Variants in RANBP2 observed in about 807,000 individuals in gnomAD.
RANBP2 encodes RAN binding protein 2.
Under a neutral mutation model 303.6 loss-of-function variants are expected in RANBP2, and 57 were observed. That is an observed-to-expected ratio of 0.19 (90% CI 0.15 to 0.23). The LOEUF (loss-of-function observed/expected upper bound fraction) is 0.23, where lower values mean the gene tolerates loss of function less well. Ranked by LOEUF, RANBP2 falls within the 10% of genes least tolerant of loss-of-function variation. The probability of loss-of-function intolerance (pLI) is 1.00; values close to 1 mark genes in which losing one functional copy is unlikely to be tolerated. For synonymous variants in RANBP2, 1,167 were observed against 1,301.5 expected (o/e 0.90, Z 2.23); for missense variants, 3,138 against 3,780.8 (o/e 0.83, Z 4.46).
the RANBP2 span, among the ~76,000 whole-genome samples, chr2:109,229,235 T>A: frequency 9.9e-5 from 15 of 152,226 alleles, no homozygotes; most frequent in Middle Eastern, 3.2e-3. Flanking sequence ...TTCCCCCTTT[T>A]TAGTACACTT....
chr2:109,267,236 C>T, the RANBP2 span, among the ~76,000 whole-genome samples: 1 of 152,066 alleles, frequency 6.6e-6, no homozygotes, highest in Non-Finnish European at 1.5e-5. Context: ...ATAGGAAGTG[C>T]ATGTAAAGGC....
the RANBP2 span, among the ~76,000 whole-genome samples, chr2:109,493,660 T>C: frequency 6.7e-6 from 1 of 149,854 alleles, no homozygotes; most frequent in Non-Finnish European, 1.5e-5. Flanking sequence ...TACACACACA[T>C]ATTATACAAA....
At chr2:108,958,474 A>G in the RANBP2 span, among the ~76,000 whole-genome samples, 19 of 152,298 alleles carry the variant, frequency 1.2e-4, no homozygotes, top group African/African-American at 4.1e-4. Flanking sequence ...GAGCTGAGGC[A>G]GAAGGCTCAC....
At chr2:109,099,220 A>T in the RANBP2 span, among the ~76,000 whole-genome samples, 1 of 152,212 alleles carries the variant, frequency 6.6e-6, no homozygotes, top group Non-Finnish European at 1.5e-5. Flanking sequence ...CATACATCCC[A>T]TGTTCACTTT....
intron 23 of RANBP2, among the ~76,000 whole-genome samples, chr2:108,774,258 C>G (rs1249455958): frequency 1.3e-5 from 2 of 152,128 alleles, no homozygotes; most frequent in Non-Finnish European, 2.9e-5. Context: ...TTATATTTAT[C>G]AGGATACTAG....
chr2:109,197,301 G>A, the RANBP2 span, among the ~76,000 whole-genome samples: 2 of 152,190 alleles, frequency 1.3e-5, no homozygotes, highest in Non-Finnish European at 2.9e-5. Flanking sequence ...CTCATTCTGG[G>A]AGGGCTGCTG....
At chr2:108,836,403 A>G in the RANBP2 span, among the ~76,000 whole-genome samples, 1 of 152,322 alleles carries the variant, frequency 6.6e-6, no homozygotes, top group South Asian at 2.1e-4. Context: ...TTATCCATTC[A>G]TTGATAGATA....
chr2:109,088,955 C>G, the RANBP2 span, among the ~76,000 whole-genome samples: 1 of 152,160 alleles, frequency 6.6e-6, no homozygotes, highest in African/African-American at 2.4e-5. Context: ...GAAAAGCGAT[C>G]GCTGAATTGA....
the RANBP2 span, among the ~76,000 whole-genome samples, chr2:109,301,863 T>C: frequency 6.6e-6 from 1 of 152,180 alleles, no homozygotes; most frequent in Non-Finnish European, 1.5e-5. Context: ...TTTGGACAAA[T>C]GGAGAGAAGT....
At chr2:108,896,412 G>A in the RANBP2 span, 2 of 156,746 alleles carry the variant, frequency 1.3e-5, no homozygotes, top group Admixed American at 6.1e-5. Context: ...CCAGTAGGGA[G>A]TCATCTCCCG....
the RANBP2 span, among the ~76,000 whole-genome samples, chr2:109,045,862 C>A: frequency 6.6e-6 from 1 of 152,126 alleles, no homozygotes; most frequent in Non-Finnish European, 1.5e-5. Flanking sequence ...TGTGCTGTAT[C>A]CGTCTCCAGT....
chr2:109,498,652 A>T, the RANBP2 span, among the ~76,000 whole-genome samples: 7 of 152,088 alleles, frequency 4.6e-5, no homozygotes, highest in South Asian at 4.1e-4. Context: ...CATTCCCCCT[A>T]AGTAGTATCA....
At chr2:109,002,571 G>A in the RANBP2 span, among the ~76,000 whole-genome samples, 2 of 152,162 alleles carry the variant, frequency 1.3e-5, no homozygotes, top group Admixed American at 6.5e-5. Context: ...TCAGTGCACC[G>A]AGCCCTTCAC....
chr2:109,561,007 T>C, the RANBP2 span, among the ~76,000 whole-genome samples: 2 of 152,188 alleles, frequency 1.3e-5, no homozygotes, highest in Non-Finnish European at 2.9e-5. Context: ...CTCCTTCACA[T>C]TAGAGCAAAT....
chr2:109,340,605 C>T, the RANBP2 span, among the ~76,000 whole-genome samples: 4 of 152,212 alleles, frequency 2.6e-5, no homozygotes, highest in Non-Finnish European at 5.9e-5. Context: ...ATCTGCCTTT[C>T]CTGGCCCCGG....
chr2:109,069,201 C>A, the RANBP2 span, among the ~76,000 whole-genome samples: 1 of 152,032 alleles, frequency 6.6e-6, no homozygotes, highest in African/African-American at 2.4e-5. Flanking sequence ...AAAGAAAAAC[C>A]CAATAAAATA....
intron 7 of RANBP2, 64 bp downstream of exon 7, chr2:108,740,745 G>T: frequency 6.3e-7 from 1 of 1,596,714 alleles, no homozygotes; most frequent in Non-Finnish European, 8.5e-7. Context: ...TGAAATGAAG[G>T]TGTGCTCTGG....
chr2:109,156,645 C>T, the RANBP2 span, among the ~76,000 whole-genome samples: 3 of 152,110 alleles, frequency 2.0e-5, no homozygotes, highest in African/African-American at 7.2e-5. Context: ...GGGGTTTCAC[C>T]ATGTTGGCCA....
Position 108,777,123 on chromosome 2 carries a change from T to G in RANBP2, c.8498-7T>G. Reference sequence around the variant, plus strand: ...AATAGTAAATTGTTCTTTTTTTCTTTTGCCAGGGGAAAGCAAGATAGTTTC... The same window carrying G: ...AATAGTAAATTGTTCTTTTTTTCTTGTGCCAGGGGAAAGCAAGATAGTTTC... On this transcript the variant is annotated splice_polypyrimidine_tract_variant and splice_region_variant and intron_variant, in intron 24 of 28. Transcript: ENST00000283195. The G allele has an allele frequency of 6.2e-7, 1 of 1,612,332 alleles. No individual in the cohort carries two copies. Among genetic ancestry groups the G allele is most frequent in the South Asian group, 1.1e-5 (1 of 91,042 alleles).
Sources: gnomAD v4.1 joint callset for allele counts (sites outside exome capture counted in the v4.1 genomes callset) on GRCh38, gnomAD v4.1.1 for gene constraint, MANE v1.5 for transcripts, NCBI Gene and HGNC (gene_info 2026-07-23, HGNC 2026-07-21) for gene names.